Variants in EPHA6 observed in about 807,000 individuals in gnomAD.
The protein encoded by EPHA6 is EPH receptor A6.
EPHA6 carries 50 observed loss-of-function variants against 112.0 expected under a neutral mutation model. That is an observed-to-expected ratio of 0.45 (90% CI 0.36 to 0.56). EPHA6 has a LOEUF of 0.56. Ranked by LOEUF, EPHA6 falls within the 20% of genes least tolerant of loss-of-function variation. The pLI is 0.00. For synonymous variants in EPHA6, 529 were observed against 490.7 expected (o/e 1.08, Z -1.03); for missense variants, 1,280 against 1,417.4 (o/e 0.90, Z 1.56).
rs144908921 is a variant in EPHA6, at chr3:97,067,995, A to G, written c.1114+80002A>G. Reference sequence around the variant, plus strand: ...CTCCATCTCTAATAAAAATACAAAAATTAGCTGGGCACCATGGCACATGGT... The same window carrying G: ...CTCCATCTCTAATAAAAATACAAAAGTTAGCTGGGCACCATGGCACATGGT... On this transcript the variant is annotated intron_variant, in intron 3 of 17. Transcript: ENST00000389672. 5.0e-3 allele frequency among the ~76,000 whole-genome samples: 754 copies of G among 151,844 alleles called. 6 individuals are homozygous for G. The highest frequency in any genetic ancestry group is 0.016 in the African/African-American group (663 of 41,414).
intron 7 of EPHA6, among the ~76,000 whole-genome samples, chr3:97,449,538 A>G (rs2090459567): frequency 6.6e-6 from 1 of 152,134 alleles, no homozygotes; most frequent in African/African-American, 2.4e-5. Flanking sequence ...GCATTTATTG[A>G]GACCCTAAAA....
intron 5 of EPHA6, among the ~76,000 whole-genome samples, chr3:97,374,029 T>A (rs1316542386): frequency 6.6e-6 from 1 of 152,136 alleles, no homozygotes; most frequent in African/African-American, 2.4e-5. Context: ...CCAAAATATG[T>A]TCTCCAATTT....
intron 2 of EPHA6, among the ~76,000 whole-genome samples, chr3:96,984,439 C>T (rs189105886): frequency 5.5e-4 from 84 of 152,222 alleles, no homozygotes; most frequent in Middle Eastern, 3.4e-3. Flanking sequence ...GGTACCTGGC[C>T]GTGTGAGGTG....
intron 3 of EPHA6, among the ~76,000 whole-genome samples, chr3:97,196,406 C>A (rs2077443109): frequency 6.6e-6 from 1 of 151,976 alleles, no homozygotes; most frequent in African/African-American, 2.4e-5. Context: ...TAAGTTTCGT[C>A]AATCTTCCTC....
At chr3:97,215,008 A>G (rs1019591497) in intron 3 of EPHA6, among the ~76,000 whole-genome samples, 6 of 152,234 alleles carry the variant, frequency 3.9e-5, no homozygotes, top group Non-Finnish European at 8.8e-5. Flanking sequence ...TGCAGATCAT[A>G]TATTTTACTG....
intron 5 of EPHA6, among the ~76,000 whole-genome samples, chr3:97,391,364 C>T (rs16838605): frequency 0.12 from 18,293 of 151,784 alleles, 3,521 homozygotes; most frequent in African/African-American, 0.4. Context: ...GTCCCGTGGG[C>T]GGTTTCTATC....
At chr3:96,963,424 C>G (rs1321183012) in intron 2 of EPHA6, among the ~76,000 whole-genome samples, 1 of 152,102 alleles carries the variant, frequency 6.6e-6, no homozygotes, top group Non-Finnish European at 1.5e-5. Context: ...AGTCAAAACC[C>G]CTCTTCTTTT....
At chr3:97,690,147 T>C (rs1396433241) in intron 14 of EPHA6, among the ~76,000 whole-genome samples, 1 of 152,256 alleles carries the variant, frequency 6.6e-6, no homozygotes, top group Non-Finnish European at 1.5e-5. Context: ...GGTATATCCC[T>C]AGAAGTGAAA....
chr3:96,975,638 A>G (rs1211177665), intron 2 of EPHA6, among the ~76,000 whole-genome samples: 1 of 152,184 alleles, frequency 6.6e-6, no homozygotes, highest in Admixed American at 6.6e-5. Flanking sequence ...TAGTACATGA[A>G]AGAAAGAATT....
chr3:97,724,849 G>A (rs1291726033), intron 15 of EPHA6, among the ~76,000 whole-genome samples: 1 of 151,974 alleles, frequency 6.6e-6, no homozygotes, highest in Non-Finnish European at 1.5e-5. Flanking sequence ...ATTTTTAAGT[G>A]TTATCCCCAC....
intron 3 of EPHA6, among the ~76,000 whole-genome samples, chr3:97,092,289 A>G (rs1045697210): frequency 6.6e-6 from 1 of 151,928 alleles, no homozygotes; most frequent in South Asian, 2.1e-4. Context: ...AGCAATGGGG[A>G]TATCATAGAG....
At chr3:97,699,120 C>T (rs2033214392) in intron 14 of EPHA6, among the ~76,000 whole-genome samples, 1 of 152,126 alleles carries the variant, frequency 6.6e-6, no homozygotes, top group Non-Finnish European at 1.5e-5. Context: ...TATAGACGAG[C>T]AGGGTTCAGA....
intron 5 of EPHA6, among the ~76,000 whole-genome samples, chr3:97,333,744 G>C (rs2082920180): frequency 6.6e-6 from 1 of 151,968 alleles, no homozygotes; most frequent in Admixed American, 6.6e-5. Context: ...CTCCCAAAGT[G>C]GTGGGATTAC....
intron 3 of EPHA6, among the ~76,000 whole-genome samples, chr3:97,097,414 T>TAAACA (rs1021436338): frequency 3.3e-5 from 5 of 151,928 alleles, no homozygotes; most frequent in African/African-American, 1.2e-4. Flanking sequence ...TACTACCTTG[T>TAAACA]AAACAAAACA....
chr3:96,902,898 A>G (rs2038696454), intron 2 of EPHA6, among the ~76,000 whole-genome samples: 1 of 152,208 alleles, frequency 6.6e-6, no homozygotes, highest in South Asian at 2.1e-4. Context: ...TATATTTTTA[A>G]GCATTGGAGA....
intron 3 of EPHA6, among the ~76,000 whole-genome samples, chr3:97,058,873 G>T (rs1350413349): frequency 2.0e-5 from 3 of 152,132 alleles, no homozygotes; most frequent in Non-Finnish European, 1.5e-5. Context: ...TATGCAAAGT[G>T]ATTTATCAAA....
intron 14 of EPHA6, among the ~76,000 whole-genome samples, chr3:97,684,275 G>A (rs916181097): frequency 6.6e-5 from 10 of 152,048 alleles, no homozygotes; most frequent in African/African-American, 2.2e-4. Context: ...CATAAGAAAA[G>A]AAGCAAATTT....
At chr3:96,847,246 T>C (rs1242231168) in intron 1 of EPHA6, among the ~76,000 whole-genome samples, 1 of 152,098 alleles carries the variant, frequency 6.6e-6, no homozygotes, top group Non-Finnish European at 1.5e-5. Flanking sequence ...TAAAATATTA[T>C]GTGTAATTGT....
chr3:97,469,293 C>T (rs1163506472), intron 7 of EPHA6, among the ~76,000 whole-genome samples: 3 of 151,584 alleles, frequency 2.0e-5, no homozygotes, highest in African/African-American at 7.3e-5. Context: ...CAATTATTTT[C>T]AACTCTCTCT....
Sources: gnomAD v4.1 joint callset for allele counts (sites outside exome capture counted in the v4.1 genomes callset) on GRCh38, gnomAD v4.1.1 for gene constraint, MANE v1.5 for transcripts, NCBI Gene and HGNC (gene_info 2026-07-23, HGNC 2026-07-21) for gene names.